The following FBXL7 variants were observed in gnomAD, a reference collection of about 807,000 sequenced individuals.
The protein encoded by FBXL7 is F-box/LRR-repeat protein 7.
FBXL7 carries 12 observed loss-of-function variants against 38.3 expected under a neutral mutation model. The observed-to-expected ratio is 0.31, with a 90% CI of 0.20 to 0.51. The LOEUF (loss-of-function observed/expected upper bound fraction) is 0.51, where lower values mean the gene tolerates loss of function less well. Ranked by LOEUF, FBXL7 falls within the 20% of genes least tolerant of loss-of-function variation. FBXL7 has a pLI of 0.98. For missense variants in FBXL7, 567 were observed against 676.4 expected (o/e 0.84, Z 1.79); for synonymous variants, 297 against 300.9 (o/e 0.99, Z 0.13).
intron 2 of FBXL7, among the ~76,000 whole-genome samples, chr5:15,757,981 T>C (rs1736342306): frequency 6.6e-6 from 1 of 152,116 alleles, no homozygotes; most frequent in South Asian, 2.1e-4. Flanking sequence ...TGTTACATTC[T>C]CTTTGTCTTG....
chr5:15,851,400 AG>A (rs1003240236), intron 2 of FBXL7, among the ~76,000 whole-genome samples: 1 of 152,222 alleles, frequency 6.6e-6, no homozygotes, highest in Non-Finnish European at 1.5e-5. Flanking sequence ...ACCTAACCAT[AG>A]GAATAAAGCC....
At chr5:15,647,192 A>G (rs1741558564) in intron 2 of FBXL7, among the ~76,000 whole-genome samples, 1 of 152,270 alleles carries the variant, frequency 6.6e-6, no homozygotes, top group Non-Finnish European at 1.5e-5. Flanking sequence ...TAGCACTTGT[A>G]AAGAAATATC....
intron 2 of FBXL7, among the ~76,000 whole-genome samples, chr5:15,783,709 C>A (rs950325262): frequency 1.3e-5 from 2 of 152,046 alleles, no homozygotes; most frequent in African/African-American, 4.8e-5. Flanking sequence ...GAGGACAGGT[C>A]TCAGTTAAGG....
At chr5:15,855,929 C>T (rs1481461401) in intron 2 of FBXL7, among the ~76,000 whole-genome samples, 1 of 152,138 alleles carries the variant, frequency 6.6e-6, no homozygotes, top group Non-Finnish European at 1.5e-5. Flanking sequence ...ATTCCAAAGT[C>T]TATGATTGTT....
At chr5:15,719,481 A>C (rs182577684) in intron 2 of FBXL7, among the ~76,000 whole-genome samples, 1 of 148,800 alleles carries the variant, frequency 6.7e-6, no homozygotes, top group Non-Finnish European at 1.5e-5. Context: ...TTACAGCTAA[A>C]TTAGCAAGTG....
chr5:15,550,439 AG>A (rs1738032271), intron 1 of FBXL7, among the ~76,000 whole-genome samples: 2 of 152,096 alleles, frequency 1.3e-5, no homozygotes, highest in African/African-American at 4.8e-5. Context: ...AATAGGCCAA[AG>A]GATAGACTTC....
chr5:15,560,886 C>CCA (rs1738392841), intron 1 of FBXL7, among the ~76,000 whole-genome samples: 1 of 152,132 alleles, frequency 6.6e-6, no homozygotes, highest in Non-Finnish European at 1.5e-5. Context: ...CAAATTGACT[C>CCA]ATACTGTCTT....
intron 2 of FBXL7, among the ~76,000 whole-genome samples, chr5:15,780,335 C>T (rs1370133251): frequency 4.6e-5 from 7 of 151,936 alleles, no homozygotes; most frequent in African/African-American, 1.7e-4. Flanking sequence ...AAAAGAAAAG[C>T]AAACCAAAAA....
intron 2 of FBXL7, among the ~76,000 whole-genome samples, chr5:15,721,548 C>T (rs1268716656): frequency 6.6e-6 from 1 of 152,046 alleles, no homozygotes; most frequent in Non-Finnish European, 1.5e-5. Flanking sequence ...TCCCCTTTCT[C>T]CTCTCTCTGC....
In FBXL7 at chr5:15,934,607, A is replaced by G. The variant is rs187662298; in HGVS notation, c.740-1843A>G. Among the ~76,000 whole-genome samples, 3 of 152,330 alleles carry G rather than the reference A, an allele frequency of 2.0e-5. No individual in the cohort carries two copies. In the East Asian group the frequency reaches 5.8e-4, roughly 29 times the overall value. Reference sequence around the variant, plus strand: ...AATATTGTTCTAACAATCAGGTAAGAAAATGTTTATAAAAGCCCTTTGTAA... The same window carrying G: ...AATATTGTTCTAACAATCAGGTAAGGAAATGTTTATAAAAGCCCTTTGTAA... On this transcript the variant is annotated intron_variant, in intron 3 of 3. Transcript: ENST00000504595.
chr5:15,711,854 C>CAG (rs1743886602), intron 2 of FBXL7, among the ~76,000 whole-genome samples: 1 of 152,122 alleles, frequency 6.6e-6, no homozygotes, highest in Non-Finnish European at 1.5e-5. Flanking sequence ...TGATAGAATA[C>CAG]AGGCAGTAAT....
At chr5:15,796,800 G>T (rs1484868804) in intron 2 of FBXL7, among the ~76,000 whole-genome samples, 1 of 152,120 alleles carries the variant, frequency 6.6e-6, no homozygotes, top group African/African-American at 2.4e-5. Flanking sequence ...CACAACCTGA[G>T]GTATTGATTA....
At chr5:15,926,028 A>T (rs377324874) in intron 2 of FBXL7, among the ~76,000 whole-genome samples, 11 of 152,276 alleles carry the variant, frequency 7.2e-5, no homozygotes, top group East Asian at 5.8e-4. Flanking sequence ...TTCAGAGCAC[A>T]TTTAAGGTAG....
At chr5:15,634,749 G>A (rs1408058297) in intron 2 of FBXL7, among the ~76,000 whole-genome samples, 3 of 152,178 alleles carry the variant, frequency 2.0e-5, no homozygotes, top group Non-Finnish European at 4.4e-5. Flanking sequence ...TAACATTGAT[G>A]TGTTTGAAAA....
intron 2 of FBXL7, among the ~76,000 whole-genome samples, chr5:15,866,743 T>G (rs916591533): frequency 6.8e-6 from 1 of 146,262 alleles, no homozygotes; most frequent in Non-Finnish European, 1.5e-5. Context: ...CTCCCACTTA[T>G]AAGTGAGAAT....
At chr5:15,672,938 A>G (rs1187284266) in intron 2 of FBXL7, among the ~76,000 whole-genome samples, 3 of 152,074 alleles carry the variant, frequency 2.0e-5, no homozygotes, top group African/African-American at 7.2e-5. Context: ...TTTGGGTGCT[A>G]TTTTTAGCCT....
intron 2 of FBXL7, among the ~76,000 whole-genome samples, chr5:15,705,320 T>TG (rs774554838): frequency 4.6e-5 from 7 of 152,198 alleles, no homozygotes; most frequent in Non-Finnish European, 8.8e-5. Context: ...CACGTAAGCA[T>TG]GCTAAATAGA....
At chr5:15,855,179 C>G (rs547729033) in intron 2 of FBXL7, among the ~76,000 whole-genome samples, 147 of 152,182 alleles carry the variant, frequency 9.7e-4, no homozygotes, top group Non-Finnish European at 1.8e-3. Context: ...CATTGTATAA[C>G]TCTACATATT....
intron 2 of FBXL7, among the ~76,000 whole-genome samples, chr5:15,749,244 CAAA>C (rs70938027): frequency 0.15 from 10,253 of 69,422 alleles, 275 homozygotes; most frequent in South Asian, 0.21. Context: ...GACTCTGTCT[CAAA>C]AAAAAAAAAA....
Sources: gnomAD v4.1 joint callset for allele counts (sites outside exome capture counted in the v4.1 genomes callset) on GRCh38, gnomAD v4.1.1 for gene constraint, MANE v1.5 for transcripts, NCBI Gene and HGNC (gene_info 2026-07-23, HGNC 2026-07-21) for gene names.